ARHGEF4: variants seen among roughly 807,000 people sequenced by gnomAD.
The protein encoded by ARHGEF4 is Rho guanine nucleotide exchange factor 4, also known as APC-stimulated guanine nucleotide exchange factor 1.
A neutral mutation model predicts 162.0 loss-of-function variants in ARHGEF4; 119 were observed. The observed-to-expected ratio is 0.73, with a 90% confidence interval of 0.63 to 0.86. The LOEUF is 0.86. Ranked by LOEUF, ARHGEF4 falls within the 40% of genes least tolerant of loss-of-function variation. ARHGEF4 has a pLI of 0.00. For synonymous variants in ARHGEF4, 1,014 were observed against 979.9 expected, an observed-to-expected ratio of 1.03 and a Z score of -0.65; for missense variants, 2,488 against 2,456.0, an observed-to-expected ratio of 1.01 and a Z score of -0.28.
intron 5 of ARHGEF4, among the ~76,000 whole-genome samples, chr2:131,036,327 G>A (rs992859924): frequency 6.6e-6 from 1 of 152,242 alleles, no homozygotes; most frequent in African/African-American, 2.4e-5. Flanking sequence ...TCCCGAGTGG[G>A]AGGCTGTGCA....
intron 3 of ARHGEF4, among the ~76,000 whole-genome samples, chr2:130,933,268 C>G (rs1682747665): frequency 6.6e-6 from 1 of 151,408 alleles, no homozygotes; most frequent in Non-Finnish European, 1.5e-5. Flanking sequence ...ATTTTTGACT[C>G]TCAATTCTAT....
Position 131,040,459 on chromosome 2 carries a change from G to A in ARHGEF4, c.4662+19G>A, listed in dbSNP as rs1432369606. ...GGAGCATGTGAGCGCGCGGCCCCCGGCCCCTACCTGGGCGCTGCGTTCACA... is the reference window on the plus strand; with the variant it reads ...GGAGCATGTGAGCGCGCGGCCCCCGACCCCTACCTGGGCGCTGCGTTCACA... On this transcript the variant is annotated intron_variant, in intron 8 of 13. Transcript: ENST00000409359. 2 of 1,536,978 alleles carry A rather than the reference G, an allele frequency of 1.3e-6. No individual in the cohort carries two copies. The highest frequency in any genetic ancestry group is 2.4e-5 in the East Asian group (1 of 41,404).
At chr2:130,923,054 C>T (rs1021987312) in intron 2 of ARHGEF4, among the ~76,000 whole-genome samples, 4 of 151,984 alleles carry the variant, frequency 2.6e-5, no homozygotes, top group Non-Finnish European at 4.4e-5. Context: ...CCTCAGCCTC[C>T]CAAGTAGCTG....
At chr2:130,889,340 G>A (rs1206906756) in intron 1 of ARHGEF4, among the ~76,000 whole-genome samples, 1 of 151,876 alleles carries the variant, frequency 6.6e-6, no homozygotes, top group Non-Finnish European at 1.5e-5. Context: ...GGTCCTAGAT[G>A]TTAATTGTTA....
At chr2:131,039,299 C>T in intron 6 of ARHGEF4, 1 of 1,263,994 alleles carries the variant, frequency 7.9e-7, no homozygotes, top group South Asian at 2.3e-5. Context: ...TGCGATACCC[C>T]CGCAACTCCA....
intron 1 of ARHGEF4, among the ~76,000 whole-genome samples, chr2:130,873,355 G>A (rs891140887): frequency 1.3e-5 from 2 of 152,158 alleles, no homozygotes; most frequent in Non-Finnish European, 2.9e-5. Flanking sequence ...TTGGGAGGCC[G>A]AGGCGGGTGG....
At chr2:130,934,040 G>A (rs1682794889) in intron 3 of ARHGEF4, among the ~76,000 whole-genome samples, 1 of 152,156 alleles carries the variant, frequency 6.6e-6, no homozygotes, top group African/African-American at 2.4e-5. Flanking sequence ...TCACTATTGT[G>A]TATGATGTTA....
At chr2:130,959,463 A>G (rs1245034501) in intron 4 of ARHGEF4, among the ~76,000 whole-genome samples, 1 of 152,192 alleles carries the variant, frequency 6.6e-6, no homozygotes, top group Non-Finnish European at 1.5e-5. Flanking sequence ...TGAGCGTATA[A>G]TCTTGGATTA....
At chr2:130,986,167 ATGTT>A (rs1189206324) in intron 4 of ARHGEF4, among the ~76,000 whole-genome samples, 1 of 149,506 alleles carries the variant, frequency 6.7e-6, no homozygotes, top group African/African-American at 2.5e-5. Context: ...TTGCATGTGT[ATGTT>A]GTGTTGCACG....
chr2:131,040,446 C>T lies in ARHGEF4; in HGVS notation c.4662+6C>T. On this transcript the variant is annotated splice_donor_region_variant and intron_variant, in intron 8 of 13. Transcript: ENST00000409359. The stretch of plus-strand genomic sequence containing the variant: ...GTGCCTGCTTCCTGGAGCATGTGAG[C>T]GCGCGGCCCCCGGCCCCTACCTGGG... 6 of 1,562,354 alleles carry T rather than the reference C, an allele frequency of 3.8e-6. No individual in the cohort carries two copies. The highest frequency in any genetic ancestry group is 5.2e-6 in the Non-Finnish European group (6 of 1,153,790).
chr2:131,011,396 T>A (rs1379176241), intron 4 of ARHGEF4, among the ~76,000 whole-genome samples: 1 of 152,224 alleles, frequency 6.6e-6, no homozygotes, highest in Non-Finnish European at 1.5e-5. Context: ...TTGTTTTATC[T>A]GTCTTAAAGT....
chr2:130,838,620 G>T (rs1448938353), intron 1 of ARHGEF4, among the ~76,000 whole-genome samples: 1 of 151,324 alleles, frequency 6.6e-6, no homozygotes, highest in Non-Finnish European at 1.5e-5. Context: ...AAAAGAAAAA[G>T]AAAAGAAGGA....
At chr2:130,913,947 C>G in intron 1 of ARHGEF4, 39 bp from the exon 2 acceptor site, 1 of 1,535,272 alleles carries the variant, frequency 6.5e-7, no homozygotes, top group South Asian at 1.2e-5. Flanking sequence ...CAGATGTACT[C>G]AGGCCTTGTC....
intron 4 of ARHGEF4, chr2:130,964,142 A>T (rs1475851719): frequency 1.0e-6 from 1 of 983,406 alleles, no homozygotes; most frequent in African/African-American, 1.8e-5. Flanking sequence ...CCGGGCTCCG[A>T]CTCGGACAGC....
At chr2:131,028,203 T>A in intron 5 of ARHGEF4, 119 bp downstream of exon 5, 1 of 1,399,490 alleles carries the variant, frequency 7.1e-7, no homozygotes. Flanking sequence ...CTGGTGGTGC[T>A]GGCCATACAC....
intron 2 of ARHGEF4, among the ~76,000 whole-genome samples, chr2:130,923,970 T>C (rs957824125): frequency 1.3e-4 from 19 of 150,696 alleles, no homozygotes; most frequent in African/African-American, 2.4e-4. Flanking sequence ...AAGCTCCGCC[T>C]CCCGGGTTCA....
intron 1 of ARHGEF4, among the ~76,000 whole-genome samples, chr2:130,881,682 A>G (rs1429169683): frequency 6.6e-6 from 1 of 152,074 alleles, no homozygotes; most frequent in African/African-American, 2.4e-5. Context: ...CGGGAGATGT[A>G]AGGAGGGAGC....
chr2:131,011,886 C>A, intron 4 of ARHGEF4: 1 of 703,456 alleles, frequency 1.4e-6, no homozygotes, highest in East Asian at 2.7e-5. Flanking sequence ...GGCGGAGGGG[C>A]AGAGATGGGA....
At chr2:131,041,540 G>C in intron 9 of ARHGEF4, 78 bp downstream of exon 9, 2 of 1,390,846 alleles carry the variant, frequency 1.4e-6, no homozygotes, top group Non-Finnish European at 2.0e-6. Flanking sequence ...TTAGCAGTGT[G>C]CTGGGCACTG....
Sources: gnomAD v4.1 joint callset for allele counts (sites outside exome capture counted in the v4.1 genomes callset) on GRCh38, gnomAD v4.1.1 for gene constraint, MANE v1.5 for transcripts, NCBI Gene and HGNC (gene_info 2026-07-23, HGNC 2026-07-21) for gene names.